Variants in CSF2RA observed in about 807,000 individuals in gnomAD.
The protein encoded by CSF2RA is colony stimulating factor 2 receptor subunit alpha, also known as granulocyte-macrophage colony-stimulating factor receptor subunit alpha.
Under a neutral mutation model 51.6 loss-of-function variants are expected in CSF2RA, and 42 were observed. The ratio of observed to expected loss-of-function variants is 0.81; its 90% CI spans 0.64 to 1.05. The LOEUF (loss-of-function observed/expected upper bound fraction) is 1.05. Ranked by LOEUF, CSF2RA falls within the 50% of genes least tolerant of loss-of-function variation. CSF2RA has a pLI of 0.00. For synonymous variants in CSF2RA, 222 were observed against 193.0 expected, an observed-to-expected ratio of 1.15 and a Z score of -1.24; for missense variants, 530 against 501.1, an observed-to-expected ratio of 1.06 and a Z score of -0.55.
chrX:1,305,339 T>C, intron 11 of CSF2RA, 107 bp from the exon 12 acceptor site: 1 of 1,256,536 alleles, frequency 8.0e-7, no homozygotes, highest in South Asian at 1.2e-5. Context: ...TTTTGCATAG[T>C]TGAGCGCAGA....
At chrX:1,317,781 C>T in the CSF2RA span, among the ~76,000 whole-genome samples, 2 of 151,596 alleles carry the variant, frequency 1.3e-5, no homozygotes, top group Non-Finnish European at 2.9e-5. Flanking sequence ...CTTGGATCTT[C>T]TCTCCTGGAG....
chrX:1,272,679 C>T (rs1320089313), intron 1 of CSF2RA, among the ~76,000 whole-genome samples: 7 of 151,052 alleles, frequency 4.6e-5, no homozygotes, highest in Middle Eastern at 3.4e-3. Context: ...TTAGTAGAGA[C>T]GGGGTTTCAC....
At position 1,290,475 on chromosome X, in the gene CSF2RA, A is replaced by G; in HGVS notation, c.612A>G (p.Gln204=). ...VNGTSREIGI[Q]FFDSLLDTKK... is the part of the protein sequence containing the mutation. Reference sequence around the variant, plus strand: ...GAACCAGCCGAGAAATTGGCATCCAATTCTTTGATTCACTTTTGGACACAA... The same window carrying G: ...GAACCAGCCGAGAAATTGGCATCCAGTTCTTTGATTCACTTTTGGACACAA... The change falls in exon 7 of 13, where the codon CAA becomes CAG. Residue 204 remains glutamine, a synonymous_variant. Coordinates refer to ENST00000381529, the MANE Select transcript of CSF2RA (RefSeq NM_172245.4). 1 of 1,613,934 alleles carries G rather than the reference A, an allele frequency of 6.2e-7. No individual in the cohort carries two copies. The highest frequency in any genetic ancestry group is 8.5e-7 in the Non-Finnish European group (1 of 1,179,850).
At chrX:1,324,136 G>T in the CSF2RA span, among the ~76,000 whole-genome samples, 1 of 151,844 alleles carries the variant, frequency 6.6e-6, no homozygotes, top group Non-Finnish European at 1.5e-5. Context: ...AGTAAGCTAA[G>T]ATCACGCCGC....
Position 1,309,604 on chromosome X carries a change from G to C in CSF2RA, c.*125G>C, listed in dbSNP as rs778083565. ...TTTTTATTTAAAAACATGACATTTGGGGCCAGGCGCGGTGGCTCACGCCTG... is the reference window on the plus strand; with the variant it reads ...TTTTTATTTAAAAACATGACATTTGCGGCCAGGCGCGGTGGCTCACGCCTG... On this transcript the variant is annotated 3_prime_UTR_variant, in exon 13 of 13. Transcript: ENST00000381529. 2.5e-6 allele frequency: 4 copies of C among 1,613,358 alleles called. No individual in the cohort carries two copies. The highest frequency in any genetic ancestry group is 2.2e-5 in the East Asian group (1 of 44,866).
At chrX:1,272,392 A>G (rs780045025) in intron 1 of CSF2RA, among the ~76,000 whole-genome samples, 5 of 150,950 alleles carry the variant, frequency 3.3e-5, no homozygotes, top group East Asian at 1.9e-4. Flanking sequence ...AAAAAAAAAA[A>G]GGTTATAGGG....
intron 1 of CSF2RA, among the ~76,000 whole-genome samples, chrX:1,271,602 C>T (rs1483455342): frequency 2.0e-5 from 3 of 151,982 alleles, no homozygotes; most frequent in East Asian, 1.9e-4. Context: ...CTGTAACCTC[C>T]GCCTCCCGGG....
At chrX:1,314,200 G>GAACCGCACTGCACCTGCCT (rs1173290458), downstream of CSF2RA, among the ~76,000 whole-genome samples, 53 of 75,652 alleles carry the variant, frequency 7.0e-4, 3 homozygotes, top group Admixed American at 7.0e-4. Context: ...AGCTTTTGCA[G>GAACCGCACTGCACCTGCCT]AACCGCACTG....
At position 1,294,140 on chromosome X, in the gene CSF2RA, C is replaced by A. The variant is rs1274134087; in HGVS notation, c.647-188C>A. 3.6e-5 allele frequency: 27 copies of A among 757,616 alleles called. No homozygotes were observed. The Admixed American group carries it at 4.8e-4, about 14-fold the overall frequency. The allele number at this position is 757,616 out of a possible 1,614,324, so 46.9% of individuals were successfully genotyped here. ...ACAGGAGGAGACCCTGCCCCATCTC[C>A]ACCTGGACCCAGTGTAGTCAAAGAG... On this transcript the variant is annotated intron_variant, in intron 7 of 12. Coordinates refer to ENST00000381529, the MANE Select transcript of CSF2RA (RefSeq NM_172245.4).
intron 1 of CSF2RA, among the ~76,000 whole-genome samples, chrX:1,273,752 T>A (rs2088773259): frequency 2.9e-5 from 1 of 34,296 alleles, no homozygotes; most frequent in Admixed American, 2.8e-4. Context: ...AGCTAATTTT[T>A]TTTTTTTTTT....
intron 2 of CSF2RA, among the ~76,000 whole-genome samples, chrX:1,281,079 T>TCCTTCTCCTCCTGCTCC (rs2089962052): frequency 2.9e-5 from 2 of 68,324 alleles, no homozygotes; most frequent in African/African-American, 1.5e-4. Context: ...CTCCTCCTCC[T>TCCTTCTCCTCCTGCTCC]CCTTCTCCTC....
At chrX:1,323,107 C>T in the CSF2RA span, among the ~76,000 whole-genome samples, 959 of 135,184 alleles carry the variant, frequency 7.1e-3, 6 homozygotes, top group Non-Finnish European at 0.011. Flanking sequence ...CCAGCCTGAG[C>T]GACAGAGCGA....
intron 3 of CSF2RA, among the ~76,000 whole-genome samples, chrX:1,283,114 CGTT>C (rs2090229649): frequency 3.7e-5 from 3 of 81,206 alleles, no homozygotes; most frequent in Non-Finnish European, 8.0e-5. Context: ...TTCGTTCCTT[CGTT>C]CCTTCGTTCC....
downstream of CSF2RA, among the ~76,000 whole-genome samples, chrX:1,314,268 C>T (rs868047824): frequency 0.43 from 20,250 of 47,326 alleles, 6,855 homozygotes; most frequent in East Asian, 0.61. Flanking sequence ...AACCCCACTG[C>T]GCCTGCCCAA....
At chrX:1,288,691 C>A (rs1345509621) in intron 5 of CSF2RA, 49 bp downstream of exon 5, 1 of 1,613,912 alleles carries the variant, frequency 6.2e-7, no homozygotes, top group Non-Finnish European at 8.5e-7. Flanking sequence ...CCCCACCACC[C>A]CGCCAGCATC....
the CSF2RA span, among the ~76,000 whole-genome samples, chrX:1,319,195 C>A: frequency 6.7e-6 from 1 of 149,200 alleles, no homozygotes; most frequent in Non-Finnish European, 1.5e-5. Flanking sequence ...AGGGTTTCAC[C>A]ATGTTGGCCA....
At chrX:1,314,186 AG>A (rs1657837474), downstream of CSF2RA, among the ~76,000 whole-genome samples, 1 of 148,636 alleles carries the variant, frequency 6.7e-6, no homozygotes, top group South Asian at 2.1e-4. Context: ...ATTGGCTGAG[AG>A]GGAGCTTTTG....
chrX:1,282,246 A>C, intron 2 of CSF2RA: 1 of 191,684 alleles, frequency 5.2e-6, no homozygotes, highest in South Asian at 1.0e-4. Context: ...ACAAAACAAA[A>C]GTTATGAAAA....
chrX:1,287,653 A>G (rs60929526), intron 4 of CSF2RA, among the ~76,000 whole-genome samples: 68,224 of 134,492 alleles, frequency 0.51, 16,744 homozygotes, highest in East Asian at 0.62. Context: ...CATGTTGGCC[A>G]GGCTGATCTT....
Sources: allele counts gnomAD v4.1 joint callset (sites outside exome capture counted in the v4.1 genomes callset), GRCh38; gene constraint gnomAD v4.1.1; transcripts MANE v1.5; gene names NCBI Gene and HGNC (gene_info 2026-07-23, HGNC 2026-07-21).